CTNNA2: variants seen among roughly 807,000 people sequenced by gnomAD.
CTNNA2 encodes the protein catenin alpha-2.
Under a neutral mutation model 101.0 loss-of-function variants are expected in CTNNA2, and 42 were observed. The ratio of observed to expected loss-of-function variants is 0.42; its 90% CI spans 0.32 to 0.54. CTNNA2 has a LOEUF of 0.54. Among genes scored for constraint, CTNNA2 ranks in the 20% least tolerant of loss-of-function variants. The probability of loss-of-function intolerance (pLI) is 0.14; values close to 1 mark genes in which losing one functional copy is unlikely to be tolerated. For missense variants in CTNNA2, 871 were observed against 1,223.1 expected (o/e 0.71, Z 4.29); for synonymous variants, 450 against 456.4 (o/e 0.99, Z 0.18).
At chr2:80,036,051 G>A (rs34582813) in intron 7 of CTNNA2, among the ~76,000 whole-genome samples, 28,843 of 152,144 alleles carry the variant, frequency 0.19, 3,307 homozygotes, top group Non-Finnish European at 0.25. Context: ...TGAGGATTGG[G>A]TCTAAATCAG....
At chr2:80,369,383 A>C (rs1292848075) in intron 7 of CTNNA2, among the ~76,000 whole-genome samples, 1 of 152,094 alleles carries the variant, frequency 6.6e-6, no homozygotes, top group Non-Finnish European at 1.5e-5. Context: ...TTGACCTAGT[A>C]ATCTACTTCT....
At chr2:80,043,073 TTCTTTCTTTCTTTCTTTCTTTCTCTC>T (rs1489498915) in intron 7 of CTNNA2, among the ~76,000 whole-genome samples, 904 of 58,468 alleles carry the variant, frequency 0.015, 34 homozygotes, top group African/African-American at 0.066. Flanking sequence ...CTTTCTTTCT[TTCTTTCTTTCTTTCTTTCTTTCTCTC>T]TCTCTCTCTC....
intron 15 of CTNNA2, among the ~76,000 whole-genome samples, chr2:80,596,289 T>G (rs1259587933): frequency 2.8e-4 from 10 of 35,576 alleles, no homozygotes; most frequent in East Asian, 2.1e-3. Context: ...GTTTTTTTTT[T>G]TTTTTTTTTT....
At chr2:79,990,558 C>T (rs1330586009) in intron 7 of CTNNA2, among the ~76,000 whole-genome samples, 1 of 152,146 alleles carries the variant, frequency 6.6e-6, no homozygotes, top group East Asian at 1.9e-4. Context: ...GCTTCAGTTT[C>T]TTCTTTGTAA....
chr2:80,121,976 A>G (rs1238455038), intron 7 of CTNNA2, among the ~76,000 whole-genome samples: 3 of 152,126 alleles, frequency 2.0e-5, no homozygotes, highest in Non-Finnish European at 4.4e-5. Flanking sequence ...CTGTGGGTGT[A>G]ACAGGGAAAT....
intron 1 of CTNNA2, among the ~76,000 whole-genome samples, chr2:79,650,742 C>T (rs112066057): frequency 0.056 from 8,342 of 150,252 alleles, 700 homozygotes; most frequent in African/African-American, 0.18. Context: ...CCCACTAACT[C>T]GTCATCTAGC....
chr2:79,452,143 A>G (rs1481675385), intron 4 of CTNNA2, among the ~76,000 whole-genome samples: 1 of 152,152 alleles, frequency 6.6e-6, no homozygotes, highest in East Asian at 1.9e-4. Flanking sequence ...AAAGCCATAA[A>G]GATATTAATA....
intron 7 of CTNNA2, among the ~76,000 whole-genome samples, chr2:80,281,495 C>G (rs1398371404): frequency 6.6e-6 from 1 of 152,110 alleles, no homozygotes; most frequent in Non-Finnish European, 1.5e-5. Context: ...TGGGTATAGT[C>G]AAAGGGCAAT....
chr2:80,076,254 A>G (rs553595184), intron 7 of CTNNA2, among the ~76,000 whole-genome samples: 1 of 151,122 alleles, frequency 6.6e-6, no homozygotes, highest in East Asian at 1.9e-4. Flanking sequence ...CAACTTACCT[A>G]CAGACTTTTT....
chr2:80,530,919 G>C (rs1466471959), intron 9 of CTNNA2, among the ~76,000 whole-genome samples: 3 of 152,148 alleles, frequency 2.0e-5, no homozygotes, highest in Non-Finnish European at 4.4e-5. Flanking sequence ...AACTTCATGA[G>C]AGAACATGGG....
intron 7 of CTNNA2, among the ~76,000 whole-genome samples, chr2:80,374,024 G>A (rs944144432): frequency 6.6e-6 from 1 of 151,596 alleles, no homozygotes; most frequent in African/African-American, 2.4e-5. Flanking sequence ...GTTTGCTAGG[G>A]CTACCATAAC....
intron 2 of CTNNA2, among the ~76,000 whole-genome samples, chr2:79,223,742 G>A (rs1369596674): frequency 6.6e-6 from 1 of 152,132 alleles, no homozygotes; most frequent in Non-Finnish European, 1.5e-5. Context: ...ACAGTTGGTG[G>A]CACTGCTTCT....
chr2:79,415,080 G>A (rs1678463128), intron 4 of CTNNA2, among the ~76,000 whole-genome samples: 1 of 152,140 alleles, frequency 6.6e-6, no homozygotes, highest in East Asian at 1.9e-4. Flanking sequence ...CAAACCTCAG[G>A]TTGAAAAGTG....
chr2:79,309,035 T>A (rs191417543), intron 2 of CTNNA2, among the ~76,000 whole-genome samples: 2 of 152,234 alleles, frequency 1.3e-5, no homozygotes, highest in African/African-American at 4.8e-5. Flanking sequence ...CAGGAAGTTT[T>A]ATATATATGA....
At chr2:80,647,499 T>C in intron 18 of CTNNA2, 86 bp from the exon 19 acceptor site, 3 of 1,158,222 alleles carry the variant, frequency 2.6e-6, no homozygotes, top group Non-Finnish European at 3.7e-6. Flanking sequence ...AAGGAAAACA[T>C]TATTTTAACC....
chr2:80,187,371 A>T (rs540366869), intron 7 of CTNNA2, among the ~76,000 whole-genome samples: 1 of 152,356 alleles, frequency 6.6e-6, no homozygotes, highest in East Asian at 1.9e-4. Flanking sequence ...AGTACACAGT[A>T]GAAGATAGTC....
intron 7 of CTNNA2, among the ~76,000 whole-genome samples, chr2:80,135,992 G>A (rs546708256): frequency 3.3e-5 from 5 of 152,210 alleles, no homozygotes; most frequent in South Asian, 4.2e-4. Flanking sequence ...GAAGTAGAGC[G>A]ATCTGGAATC....
chr2:80,103,027 A>G (rs1461785207), intron 7 of CTNNA2, among the ~76,000 whole-genome samples: 1 of 152,124 alleles, frequency 6.6e-6, no homozygotes, highest in African/African-American at 2.4e-5. Context: ...CAGCTTCAGT[A>G]GCTCCTGCTC....
At chr2:79,811,234 ATGGTATCTCATTG>A (rs1318279896) in intron 3 of CTNNA2, among the ~76,000 whole-genome samples, 6 of 152,176 alleles carry the variant, frequency 3.9e-5, no homozygotes, top group Admixed American at 3.9e-4. Flanking sequence ...CTGGTGTGAG[ATGGTATCTCATTG>A]TGGTTTTGAT....
Sources: allele counts gnomAD v4.1 joint callset (sites outside exome capture counted in the v4.1 genomes callset), GRCh38; gene constraint gnomAD v4.1.1; transcripts MANE v1.5; gene names NCBI Gene and HGNC (gene_info 2026-07-23, HGNC 2026-07-21).